The following TRERF1 variants were observed in gnomAD, a reference collection of about 807,000 sequenced individuals.
TRERF1 encodes the protein transcriptional-regulating factor 1.
TRERF1 carries 27 observed loss-of-function variants against 122.9 expected under a neutral mutation model. The observed-to-expected ratio is 0.22, with a 90% CI of 0.16 to 0.30. TRERF1 has a LOEUF of 0.30. Among genes scored for constraint, TRERF1 ranks in the 10% least tolerant of loss-of-function variants. TRERF1 has a pLI of 1.00. For missense variants in TRERF1, 1,248 were observed against 1,560.3 expected, an observed-to-expected ratio of 0.80 and a Z score of 3.37; for synonymous variants, 636 against 641.7, an observed-to-expected ratio of 0.99 and a Z score of 0.13.
At chr6:42,244,578 C>A (rs1198503543) in intron 14 of TRERF1, among the ~76,000 whole-genome samples, 1 of 152,210 alleles carries the variant, frequency 6.6e-6, no homozygotes, top group Non-Finnish European at 1.5e-5. Context: ...ATAAATACTG[C>A]TTTGCAACTT....
At chr6:42,243,256 C>A (rs138770125) in exon 15 of TRERF1, 8 of 1,613,802 alleles carry the variant, frequency 5.0e-6, no homozygotes. Flanking sequence ...ACCACACAAT[C>A]GTCGATGATT....
At chr6:42,273,835 T>G (rs1166055808) in intron 4 of TRERF1, among the ~76,000 whole-genome samples, 2 of 152,230 alleles carry the variant, frequency 1.3e-5, no homozygotes, top group African/African-American at 4.8e-5. Flanking sequence ...GAAGAATTAC[T>G]TGTTGAAACT....
chr6:42,322,469 C>A (rs372823513), intron 3 of TRERF1, among the ~76,000 whole-genome samples: 31 of 152,194 alleles, frequency 2.0e-4, no homozygotes, highest in African/African-American at 7.2e-4. Context: ...AAACCCCCTG[C>A]CCCAAATAAA....
At chr6:42,363,255 G>C (rs1341494530) in intron 2 of TRERF1, among the ~76,000 whole-genome samples, 176 bp from the exon 3 acceptor site, 1 of 152,212 alleles carries the variant, frequency 6.6e-6, no homozygotes, top group Non-Finnish European at 1.5e-5. Flanking sequence ...AGGTCCCGGG[G>C]GAGAAGAGGA....
At chr6:42,241,021 T>C (rs911283313) in intron 15 of TRERF1, among the ~76,000 whole-genome samples, 2 of 152,170 alleles carry the variant, frequency 1.3e-5, no homozygotes, top group Non-Finnish European at 2.9e-5. Flanking sequence ...GCCTCCTGAA[T>C]AGTGGGGACT....
At position 42,295,709 on chromosome 6, in the gene TRERF1, T is replaced by C. The variant is rs574853302; in HGVS notation, c.-259+4929A>G. On this transcript the variant is annotated intron_variant, in intron 4 of 17. Transcript: ENST00000372922. ...TCTTATGAAGATGTTTTAGACTTTATGCATTTTTTTTGGTTACAAAGTCCT... is the reference window on the plus strand; with the variant it reads ...TCTTATGAAGATGTTTTAGACTTTACGCATTTTTTTTGGTTACAAAGTCCT... Among the ~76,000 whole-genome samples the C allele has an allele frequency of 1.8e-4, 26 of 147,832 alleles. No homozygotes were observed. In the South Asian group the frequency reaches 4.3e-3, roughly 24 times the overall value.
At chr6:42,239,969 C>T (rs1434205666) in intron 15 of TRERF1, among the ~76,000 whole-genome samples, 1 of 152,094 alleles carries the variant, frequency 6.6e-6, no homozygotes, top group Non-Finnish European at 1.5e-5. Flanking sequence ...AACACTGGCT[C>T]CTGGTGAATA....
chr6:42,294,292 C>T (rs893786449), intron 4 of TRERF1, among the ~76,000 whole-genome samples: 4 of 150,048 alleles, frequency 2.7e-5, no homozygotes, highest in African/African-American at 9.8e-5. Context: ...AGCAATTCTG[C>T]CTCAGCTTCC....
At chr6:42,429,056 A>T (rs1784086728) in intron 2 of TRERF1, among the ~76,000 whole-genome samples, 1 of 152,220 alleles carries the variant, frequency 6.6e-6, no homozygotes, top group African/African-American at 2.4e-5. Flanking sequence ...TGTGCCCAGC[A>T]GGCGCTGGGT....
At chr6:42,422,454 G>C (rs959005436) in intron 2 of TRERF1, among the ~76,000 whole-genome samples, 1 of 146,560 alleles carries the variant, frequency 6.8e-6, no homozygotes, top group African/African-American at 2.6e-5. Context: ...GGAGGCGAAG[G>C]TTGCAGTGAG....
chr6:42,320,404 G>T (rs979379118), intron 3 of TRERF1, among the ~76,000 whole-genome samples: 7 of 151,982 alleles, frequency 4.6e-5, no homozygotes, highest in Non-Finnish European at 7.4e-5. Flanking sequence ...AAGAAGGGTT[G>T]AGATCAATTC....
chr6:42,304,593 G>T (rs1184225333), intron 3 of TRERF1, among the ~76,000 whole-genome samples: 2 of 152,192 alleles, frequency 1.3e-5, no homozygotes, highest in African/African-American at 4.8e-5. Flanking sequence ...TGCTGACCAG[G>T]GGTTCTGATG....
intron 13 of TRERF1, among the ~76,000 whole-genome samples, chr6:42,248,947 C>T (rs1341942873): frequency 6.6e-6 from 1 of 152,170 alleles, no homozygotes; most frequent in Non-Finnish European, 1.5e-5. Context: ...AAGAAGGACA[C>T]AGAAAGGAAT....
At chr6:42,326,126 A>T (rs1443328357) in intron 3 of TRERF1, among the ~76,000 whole-genome samples, 1 of 151,938 alleles carries the variant, frequency 6.6e-6, no homozygotes, top group Non-Finnish European at 1.5e-5. Flanking sequence ...CACACACTAT[A>T]CCCTTGTAAC....
Position 42,313,232 on chromosome 6 carries a change from G to T in TRERF1, c.-370-12483C>A, listed in dbSNP as rs190837017. On this transcript the variant is annotated intron_variant, in intron 3 of 17. Transcript: ENST00000372922. ...TCCCAAGGAACGTCTTCAAGAGAAGGCTCCGGCTCTGAGTCATCTGAAGCA... is the reference window on the plus strand; with the variant it reads ...TCCCAAGGAACGTCTTCAAGAGAAGTCTCCGGCTCTGAGTCATCTGAAGCA... Among the ~76,000 whole-genome samples, 223 of 152,306 alleles carry T rather than the reference G, an allele frequency of 1.5e-3. 1 individual carries two copies. The highest frequency in any genetic ancestry group is 3.1e-3 in the Admixed American group (48 of 15,304).
At chr6:42,306,081 A>G (rs1787188911) in intron 3 of TRERF1, among the ~76,000 whole-genome samples, 1 of 140,690 alleles carries the variant, frequency 7.1e-6, no homozygotes, top group Non-Finnish European at 1.5e-5. Context: ...GGCTCACTGC[A>G]ACCTCTGTCT....
rs1200779069 is a variant in TRERF1, at chr6:42,263,066, A to G, written c.1884+254T>C. ...TTTCGGGTCTCTCAGAATCTAACCT[A>G]GGCCATTAGTTTGGCATTTAATGGG... On this transcript the variant is annotated intron_variant, in intron 8 of 17. Transcript: ENST00000372922. The surrounding 1 kb of genome is among the most constrained non-coding windows in gnomAD (Gnocchi z 5.6). 6.6e-6 allele frequency among the ~76,000 whole-genome samples: 1 copy of G among 152,192 alleles called. No homozygotes were observed. Among genetic ancestry groups the G allele is most frequent in the Non-Finnish European group, 1.5e-5 (1 of 68,032 alleles).
chr6:42,291,907 G>T (rs1356695890), intron 4 of TRERF1, among the ~76,000 whole-genome samples: 1 of 152,092 alleles, frequency 6.6e-6, no homozygotes, highest in Non-Finnish European at 1.5e-5. Context: ...TGGATTAGAT[G>T]ACAAATATTT....
Position 42,269,467 on chromosome 6 carries a change from C to G in TRERF1, c.124G>C (p.Gly42Arg). Reference sequence around the variant, plus strand: ...GCCTGAGGGGCATCCATTCCGCCCCCTGTAACTGCATTCCCATAGTTGTGG... The same window carrying G: ...GCCTGAGGGGCATCCATTCCGCCCCGTGTAACTGCATTCCCATAGTTGTGG... The change falls in exon 5 of 18, where the codon GGG (glycine) becomes CGG (arginine). Residue 42 changes from glycine to arginine, a missense_variant. By Grantham distance (125) the Gly-to-Arg change is moderately radical. Around this residue, in one of 5 missense-constraint regions of TRERF1, gnomAD observed 946 missense variants for 1,073.0 expected, o/e 0.88. Transcript: ENST00000372922. The surrounding 1 kb of genome is among the most constrained non-coding windows in gnomAD (Gnocchi z 4.9). The G allele has an allele frequency of 6.2e-7, 1 of 1,614,212 alleles. No individual in the cohort carries two copies.
Sources: gnomAD v4.1 joint callset for allele counts (sites outside exome capture counted in the v4.1 genomes callset) on GRCh38, gnomAD v4.1.1 for gene constraint, gnomAD v4.1.1 regional missense constraint, Gnocchi (gnomAD v3.1) non-coding constraint, MANE v1.5 for transcripts, NCBI Gene and HGNC (gene_info 2026-07-23, HGNC 2026-07-21) for gene names.